Variants in ELL observed in about 807,000 individuals in gnomAD.
ELL encodes the protein elongation factor for RNA polymerase II, also known as RNA polymerase II elongation factor ELL.
ELL carries 18 observed loss-of-function variants against 64.0 expected under a neutral mutation model. The observed-to-expected ratio is 0.28, with a 90% CI of 0.19 to 0.42. The LOEUF is 0.42. Among genes scored for constraint, ELL ranks in the 10% least tolerant of loss-of-function variants. The pLI is 1.00. For missense variants in ELL, 797 were observed against 870.4 expected (o/e 0.92, Z 1.06); for synonymous variants, 399 against 376.2 (o/e 1.06, Z -0.70).
At chr19:18,465,379 C>A in intron 4 of ELL, 33 bp downstream of exon 4, 1 of 1,554,810 alleles carries the variant, frequency 6.4e-7, no homozygotes, top group Non-Finnish European at 8.7e-7. Flanking sequence ...AGCTGCCCGG[C>A]TGCCCTACAG....
At chr19:18,491,293 A>G (rs1409306234) in intron 1 of ELL, among the ~76,000 whole-genome samples, 1 of 91,458 alleles carries the variant, frequency 1.1e-5, no homozygotes, top group African/African-American at 4.1e-5. Flanking sequence ...TTTTTTTTTT[A>G]GTAGAGATGG....
chr19:18,494,396 TTTTG>T (rs1320743900), intron 1 of ELL, among the ~76,000 whole-genome samples: 1 of 151,784 alleles, frequency 6.6e-6, no homozygotes, highest in Non-Finnish European at 1.5e-5. Flanking sequence ...TTTTTTGTTT[TTTTG>T]TTTTTTTTTT....
chr19:18,453,198 C>T (rs749244121), intron 6 of ELL, among the ~76,000 whole-genome samples: 15 of 152,142 alleles, frequency 9.9e-5, no homozygotes, highest in Admixed American at 2.0e-4. Context: ...CACTTGAACC[C>T]GGGAGGCGGA....
intron 1 of ELL, among the ~76,000 whole-genome samples, chr19:18,519,806 C>CAAAAAAAAAAAA (rs1183522203): frequency 6.4e-5 from 4 of 62,992 alleles, no homozygotes; most frequent in Admixed American, 1.7e-4. Context: ...AACTCCATCT[C>CAAAAAAAAAAAA]AAAAAAAAAA....
At chr19:18,482,182 C>G (rs1444168139) in intron 1 of ELL, among the ~76,000 whole-genome samples, 1 of 149,364 alleles carries the variant, frequency 6.7e-6, no homozygotes, top group Non-Finnish European at 1.5e-5. Context: ...CTGTACAAAT[C>G]TTTATCCCAT....
At chr19:18,521,410 G>A (rs1049546808) in intron 1 of ELL, among the ~76,000 whole-genome samples, 16 of 152,058 alleles carry the variant, frequency 1.1e-4, no homozygotes, top group African/African-American at 2.9e-4. Context: ...ACCCCCACAA[G>A]TGCCTCGCTG....
At chr19:18,465,293 G>T (rs181000151) in intron 4 of ELL, 119 bp downstream of exon 4, 109 of 1,377,388 alleles carry the variant, frequency 7.9e-5, no homozygotes, top group Non-Finnish European at 1.0e-4. Context: ...CCGACTCCTC[G>T]GTTGACCCAT....
At chr19:18,494,089 G>A (rs1028412085) in intron 1 of ELL, among the ~76,000 whole-genome samples, 2 of 152,098 alleles carry the variant, frequency 1.3e-5, no homozygotes, top group African/African-American at 4.8e-5. Flanking sequence ...CCACTGCCCA[G>A]AGTGAATCGC....
intron 4 of ELL, among the ~76,000 whole-genome samples, chr19:18,462,214 GTGTGTGTA>G (rs71166516): frequency 0.064 from 8,135 of 126,938 alleles, 402 homozygotes; most frequent in African/African-American, 0.17. Context: ...GTGTGTGTGT[GTGTGTGTA>G]TGTAATCACC....
In ELL at chr19:18,493,344, C is replaced by T. The variant is rs7254109; in HGVS notation, c.136-20462G>A. Among the ~76,000 whole-genome samples the T allele has an allele frequency of 7.2e-3, 1,093 of 152,350 alleles. 14 individuals carry two copies. Among genetic ancestry groups the T allele is most frequent in the African/African-American group, 0.025 (1,028 of 41,584 alleles). ...GAAAAGATGGGCTCTGTGCTGCGGC[C>T]CTGAGGGGCTTGCCCTGGGCCCTGG... On this transcript the variant is annotated intron_variant, in intron 1 of 11. Coordinates refer to ENST00000262809, the MANE Select transcript of ELL (RefSeq NM_006532.4).
At chr19:18,472,437 A>C (rs2144930045) in intron 2 of ELL, 1 of 218,394 alleles carries the variant, frequency 4.6e-6, no homozygotes, top group Middle Eastern at 1.6e-3. Flanking sequence ...TAAGAATCTA[A>C]TAACAGGCTC....
At position 18,501,811 on chromosome 19, in the gene ELL, C is replaced by T. The variant is rs1975784320; in HGVS notation, c.135+20110G>A. Among the ~76,000 whole-genome samples the T allele has an allele frequency of 6.6e-6, 1 of 152,222 alleles. No homozygotes were observed. The highest frequency in any genetic ancestry group is 2.4e-5 in the African/African-American group (1 of 41,450). On this transcript the variant is annotated intron_variant, in intron 1 of 11. Transcript: ENST00000262809. The surrounding 1 kb of genome is among the most constrained non-coding windows in gnomAD (Gnocchi z 4.5). ...CCTTGGGGAGCATCTCCCCCACATC[C>T]TCAACCTCCAGCTACGTGTCTGCGG... is the stretch of plus-strand genomic sequence containing the variant.
intron 1 of ELL, among the ~76,000 whole-genome samples, chr19:18,477,220 C>T (rs1463321609): frequency 6.6e-6 from 1 of 152,150 alleles, no homozygotes. Flanking sequence ...CGGAATGAAA[C>T]GGCCACTAGG....
intron 2 of ELL, among the ~76,000 whole-genome samples, chr19:18,466,871 C>T (rs995999094): frequency 1.3e-5 from 2 of 152,186 alleles, no homozygotes; most frequent in South Asian, 2.1e-4. Context: ...ACCCAAGCCC[C>T]GTCTCCTCCT....
chr19:18,513,995 C>T (rs916279788), intron 1 of ELL, among the ~76,000 whole-genome samples: 1 of 152,070 alleles, frequency 6.6e-6, no homozygotes, highest in Admixed American at 6.6e-5. Context: ...GACCAGAACT[C>T]GAAGCCCTAC....
chr19:18,458,398 CT>C, intron 5 of ELL, 69 bp from the exon 6 acceptor site: 4 of 1,570,756 alleles, frequency 2.5e-6, no homozygotes, highest in Non-Finnish European at 3.5e-6. Context: ...GAAAAAAGAT[CT>C]GATAGTGGGT....
intron 1 of ELL, among the ~76,000 whole-genome samples, chr19:18,496,471 G>C (rs967337241): frequency 1.3e-5 from 2 of 152,122 alleles, no homozygotes; most frequent in African/African-American, 2.4e-5. Flanking sequence ...TGTGGTAACA[G>C]AGCCTGTCTT....
intron 8 of ELL, among the ~76,000 whole-genome samples, chr19:18,450,082 T>A (rs1823214475): frequency 6.6e-6 from 1 of 152,146 alleles, no homozygotes; most frequent in South Asian, 2.1e-4. Context: ...GGGCCCCCAC[T>A]GTCTTCCCTG....
At chr19:18,520,685 T>TA (rs1402238850) in intron 1 of ELL, among the ~76,000 whole-genome samples, 2 of 151,638 alleles carry the variant, frequency 1.3e-5, no homozygotes, top group Non-Finnish European at 2.9e-5. Flanking sequence ...CCTTCCTAGT[T>TA]AGTCTCCCTC....
Sources: gnomAD v4.1 joint callset for allele counts (sites outside exome capture counted in the v4.1 genomes callset) on GRCh38, gnomAD v4.1.1 for gene constraint, Gnocchi (gnomAD v3.1) non-coding constraint, MANE v1.5 for transcripts, NCBI Gene and HGNC (gene_info 2026-07-23, HGNC 2026-07-21) for gene names.